NHS: variants seen among roughly 807,000 people sequenced by gnomAD.
NHS encodes NHS actin remodeling regulator, also known as actin remodeling regulator NHS.
Under a neutral mutation model 72.5 loss-of-function variants are expected in NHS, and 5 were observed. The observed-to-expected ratio is 0.07, with a 90% CI of 0.04 to 0.14. The LOEUF (loss-of-function observed/expected upper bound fraction) is 0.14. Ranked by LOEUF, NHS falls within the 10% of genes least tolerant of loss-of-function variation. NHS has a pLI of 1.00. For synonymous variants in NHS, 464 were observed against 547.7 expected, an observed-to-expected ratio of 0.85 and a Z score of 2.13; for missense variants, 1,072 against 1,355.7, an observed-to-expected ratio of 0.79 and a Z score of 3.29.
At chrX:17,535,029 TAC>T (rs1449761515) in intron 1 of NHS, among the ~76,000 whole-genome samples, 1 of 112,356 alleles carries the variant, frequency 8.9e-6, no homozygotes, top group Non-Finnish European at 1.9e-5. Context: ...AGCTGTGTAC[TAC>T]AGTGTCTCCC....
At chrX:17,578,023 G>A (rs938336358) in intron 1 of NHS, among the ~76,000 whole-genome samples, 4 of 112,085 alleles carry the variant, frequency 3.6e-5, no homozygotes, top group African/African-American at 1.3e-4. Flanking sequence ...GTGAGTGCCT[G>A]TTAGGTGTTA....
chrX:17,676,436 T>C (rs991462894), intron 1 of NHS, among the ~76,000 whole-genome samples: 2 of 112,529 alleles, frequency 1.8e-5, no homozygotes, highest in Non-Finnish European at 3.8e-5. Context: ...TAAAGGATGA[T>C]ACTCACGGTC....
At chrX:17,408,117 T>C (rs2064538142) in intron 1 of NHS, among the ~76,000 whole-genome samples, 1 of 111,291 alleles carries the variant, frequency 9.0e-6, no homozygotes, top group Admixed American at 9.5e-5. Context: ...TCAGTCCTCC[T>C]ACCTCAGCCT....
intron 1 of NHS, among the ~76,000 whole-genome samples, chrX:17,579,620 TC>T (rs1357684076): frequency 9.0e-6 from 1 of 111,065 alleles, no homozygotes; most frequent in African/African-American, 3.3e-5. Flanking sequence ...AATTACCCCC[TC>T]TTTACGCAGG....
At chrX:17,719,289 ACTGTGTT>A (rs1443521594) in intron 3 of NHS, 48 bp from the exon 4 acceptor site, 14 of 1,053,213 alleles carry the variant, frequency 1.3e-5, no homozygotes, top group Non-Finnish European at 1.8e-5. Context: ...ACCAGTATAC[ACTGTGTT>A]GTGTGCACGT....
At chrX:17,674,560 C>G (rs770324295) in intron 1 of NHS, among the ~76,000 whole-genome samples, 9 of 112,316 alleles carry the variant, frequency 8.0e-5, no homozygotes, top group Non-Finnish European at 1.7e-4. Context: ...GTGTGGTCTA[C>G]TCACCAACTC....
At chrX:17,406,296 C>T (rs1266255320) in intron 1 of NHS, among the ~76,000 whole-genome samples, 2 of 111,650 alleles carry the variant, frequency 1.8e-5, no homozygotes, top group African/African-American at 6.5e-5. Flanking sequence ...ACCCCCTTGT[C>T]CACATTGGTA....
At chrX:17,695,535 T>C (rs2066223434) in intron 3 of NHS, among the ~76,000 whole-genome samples, 1 of 111,360 alleles carries the variant, frequency 9.0e-6, no homozygotes. Flanking sequence ...TACATACGCA[T>C]AGGGGGAAAA....
chrX:17,716,782 C>T (rs941942570), intron 3 of NHS, among the ~76,000 whole-genome samples: 4 of 110,959 alleles, frequency 3.6e-5, no homozygotes, highest in Non-Finnish European at 5.7e-5. Flanking sequence ...CCCACAAAAA[C>T]GCATGTCTGC....
chrX:17,659,261 G>A (rs892467576), intron 1 of NHS, among the ~76,000 whole-genome samples: 5 of 112,210 alleles, frequency 4.5e-5, no homozygotes, highest in African/African-American at 1.6e-4. Context: ...CTCTGGCATG[G>A]AGGGGCCCTT....
At chrX:17,404,077 C>T (rs995214649) in intron 1 of NHS, among the ~76,000 whole-genome samples, 1 of 112,335 alleles carries the variant, frequency 8.9e-6, no homozygotes, top group Non-Finnish European at 1.9e-5. Context: ...CCTCGCTGTC[C>T]TGTCCTTGTT....
At chrX:17,585,034 G>A (rs1473122485) in intron 1 of NHS, among the ~76,000 whole-genome samples, 1 of 111,693 alleles carries the variant, frequency 9.0e-6, no homozygotes, top group East Asian at 2.8e-4. Flanking sequence ...TGTTGCTCAG[G>A]CTGGTCTTGA....
chrX:17,521,697 A>G (rs779615239), intron 1 of NHS, among the ~76,000 whole-genome samples: 2 of 112,024 alleles, frequency 1.8e-5, no homozygotes, highest in South Asian at 7.4e-4. Flanking sequence ...AATATCTATT[A>G]CATCTAATGC....
At chrX:17,575,856 C>G (rs907681311) in intron 1 of NHS, among the ~76,000 whole-genome samples, 1 of 111,780 alleles carries the variant, frequency 8.9e-6, no homozygotes, top group African/African-American at 3.3e-5. Context: ...CCTCTGACTT[C>G]TCTCACTGCC....
intron 1 of NHS, among the ~76,000 whole-genome samples, chrX:17,567,891 G>C (rs1385824854): frequency 1.8e-5 from 2 of 110,965 alleles, no homozygotes; most frequent in Non-Finnish European, 3.8e-5. Flanking sequence ...GCAGAGGAGT[G>C]ATTCAAGTAG....
intron 1 of NHS, among the ~76,000 whole-genome samples, chrX:17,469,581 C>G (rs1295274757): frequency 1.8e-5 from 2 of 111,671 alleles, no homozygotes; most frequent in East Asian, 5.6e-4. Context: ...AGCAATGCCC[C>G]CTTCATCTGA....
chrX:17,715,307 T>G (rs1018692983), intron 3 of NHS, among the ~76,000 whole-genome samples: 3 of 112,646 alleles, frequency 2.7e-5, no homozygotes, highest in Non-Finnish European at 5.6e-5. Flanking sequence ...GTTACTTCAC[T>G]TAGAATAATG....
intron 1 of NHS, among the ~76,000 whole-genome samples, chrX:17,505,670 G>A (rs1442648364): frequency 9.1e-6 from 1 of 109,353 alleles, no homozygotes; most frequent in African/African-American, 3.3e-5. Context: ...GCTCAAAGAG[G>A]GAAAGTGACT....
At position 17,472,592 on chromosome X, in the gene NHS, G is replaced by A. The variant is rs183324710; in HGVS notation, c.565+96270G>A. Among the ~76,000 whole-genome samples, 468 of 112,302 alleles carry A rather than the reference G, an allele frequency of 4.2e-3. 2 individuals carry two copies. The highest frequency in any genetic ancestry group is 2.8e-3 in the Non-Finnish European group (149 of 53,226). ...TCTGCAAGGCAGAGCAACTTTCAACGTACCTTGAGAGTTCAAAGGTCAGTG... is the reference window on the plus strand; with the variant it reads ...TCTGCAAGGCAGAGCAACTTTCAACATACCTTGAGAGTTCAAAGGTCAGTG... On this transcript the variant is annotated intron_variant, in intron 1 of 8. Transcript: ENST00000676302.
Sources: allele counts gnomAD v4.1 joint callset (sites outside exome capture counted in the v4.1 genomes callset), GRCh38; gene constraint gnomAD v4.1.1; transcripts MANE v1.5; gene names NCBI Gene and HGNC (gene_info 2026-07-23, HGNC 2026-07-21).